Variants in ACYP2 observed in about 807,000 individuals in gnomAD.
The protein encoded by ACYP2 is acylphosphatase-2.
Under a neutral mutation model 11.2 loss-of-function variants are expected in ACYP2, and 12 were observed. That is an observed-to-expected ratio of 1.08 (90% confidence interval 0.69 to 1.74). The LOEUF is 1.74. Among genes scored for constraint, ACYP2 ranks in the 40% most tolerant of loss-of-function variants. ACYP2 has a pLI of 0.00. For synonymous variants in ACYP2, 43 were observed against 32.2 expected, an observed-to-expected ratio of 1.33 and a Z score of -1.13; for missense variants, 134 against 101.9, an observed-to-expected ratio of 1.31 and a Z score of -1.35.
At chr2:54,235,868 T>C (rs1686455874) in intron 6 of ACYP2, among the ~76,000 whole-genome samples, 1 of 152,202 alleles carries the variant, frequency 6.6e-6, no homozygotes, top group South Asian at 2.1e-4. Flanking sequence ...AATAAAACTC[T>C]ATAAGCTCTG....
intron 2 of ACYP2, among the ~76,000 whole-genome samples, chr2:54,048,719 A>C (rs528876310): frequency 1.5e-4 from 23 of 152,338 alleles, no homozygotes; most frequent in African/African-American, 4.6e-4. Context: ...CATATATGGC[A>C]TTTTTAAAGA....
chr2:54,190,595 C>G (rs750283060), intron 6 of ACYP2, among the ~76,000 whole-genome samples: 4 of 152,098 alleles, frequency 2.6e-5, no homozygotes, highest in Non-Finnish European at 4.4e-5. Flanking sequence ...TCTTCTGCCT[C>G]TCTTACTGAC....
chr2:54,227,629 A>C (rs698753), intron 6 of ACYP2, among the ~76,000 whole-genome samples: 38,997 of 151,940 alleles, frequency 0.26, 5,192 homozygotes, highest in South Asian at 0.37. Flanking sequence ...TTTCAAAAAA[A>C]AAAAAAATAT....
intron 4 of ACYP2, among the ~76,000 whole-genome samples, chr2:54,111,371 G>T (rs1054394004): frequency 2.0e-5 from 3 of 152,106 alleles, no homozygotes; most frequent in Non-Finnish European, 4.4e-5. Flanking sequence ...GGGCGGGGGG[G>T]ACCAACCATG....
At chr2:54,130,797 AC>A (rs1176517636) in intron 4 of ACYP2, among the ~76,000 whole-genome samples, 1 of 152,248 alleles carries the variant, frequency 6.6e-6, no homozygotes, top group Non-Finnish European at 1.5e-5. Context: ...CTGATCTCAA[AC>A]CTCGGGCCTT....
At chr2:54,237,495 T>TC (rs1007905049) in intron 6 of ACYP2, among the ~76,000 whole-genome samples, 8 of 152,208 alleles carry the variant, frequency 5.3e-5, no homozygotes, top group East Asian at 1.9e-4. Flanking sequence ...ATGTTTTTTT[T>TC]CTCTACTTCA....
At chr2:53,984,664 A>G (rs1671938149) in intron 2 of ACYP2, among the ~76,000 whole-genome samples, 1 of 150,708 alleles carries the variant, frequency 6.6e-6, no homozygotes, top group South Asian at 2.1e-4. Flanking sequence ...TATATGTAGT[A>G]TGTATATAAA....
intron 6 of ACYP2, among the ~76,000 whole-genome samples, chr2:54,275,272 A>G (rs907587615): frequency 6.6e-6 from 1 of 152,220 alleles, no homozygotes; most frequent in Non-Finnish European, 1.5e-5. Context: ...CCAGACTAAT[A>G]TGAACCTAAA....
intron 2 of ACYP2, among the ~76,000 whole-genome samples, chr2:54,037,177 A>C (rs1003326642): frequency 6.6e-6 from 1 of 152,052 alleles, no homozygotes; most frequent in Non-Finnish European, 1.5e-5. Flanking sequence ...CAGTGGTGCA[A>C]TCTTGGCTCA....
At chr2:54,212,653 G>A (rs1356809765) in intron 6 of ACYP2, among the ~76,000 whole-genome samples, 1 of 152,196 alleles carries the variant, frequency 6.6e-6, no homozygotes, top group East Asian at 1.9e-4. Context: ...TGGTACAGAG[G>A]AGCTAATATG....
intron 6 of ACYP2, among the ~76,000 whole-genome samples, chr2:54,217,066 C>T (rs1451647329): frequency 6.6e-6 from 1 of 152,132 alleles, no homozygotes; most frequent in Admixed American, 6.6e-5. Context: ...CCCGTAGAAA[C>T]AGTAATTCCA....
At chr2:54,137,588 C>T (rs1305882518) in intron 5 of ACYP2, among the ~76,000 whole-genome samples, 1 of 152,168 alleles carries the variant, frequency 6.6e-6, no homozygotes, top group African/African-American at 2.4e-5. Flanking sequence ...CAGCTCCATT[C>T]ATGTTCCTTC....
At chr2:54,192,372 A>C (rs1012915408) in intron 6 of ACYP2, among the ~76,000 whole-genome samples, 2 of 152,158 alleles carry the variant, frequency 1.3e-5, no homozygotes, top group South Asian at 4.1e-4. Context: ...CCTATTACAC[A>C]GTACTTATTT....
At chr2:54,012,876 AG>A (rs1673456365) in intron 2 of ACYP2, among the ~76,000 whole-genome samples, 1 of 152,080 alleles carries the variant, frequency 6.6e-6, no homozygotes, top group Non-Finnish European at 1.5e-5. Flanking sequence ...TGGTGTTCAC[AG>A]TAGCCTACAA....
Position 54,091,384 on chromosome 2 carries a change from T to C in ACYP2, c.277+34024T>C, listed in dbSNP as rs1463135952. 3.9e-5 allele frequency among the ~76,000 whole-genome samples: 6 copies of C among 152,296 alleles called. No individual in the cohort carries two copies. In the East Asian group the frequency reaches 9.6e-4, roughly 24 times the overall value. On this transcript the variant is annotated intron_variant, in intron 4 of 6. Coordinates refer to ENST00000607452, the MANE Select transcript of ACYP2 (RefSeq NM_001320586.2). ...TTGCAGCATAAGCATTTTATATCCA[T>C]GAAGGTAAATAACAAAAGGGCTATT... is the stretch of plus-strand genomic sequence containing the variant.
intron 6 of ACYP2, among the ~76,000 whole-genome samples, chr2:54,292,993 C>T (rs1264566674): frequency 1.3e-5 from 2 of 152,198 alleles, no homozygotes; most frequent in African/African-American, 4.8e-5. Flanking sequence ...TGCTACTGCA[C>T]CCTGACTATA....
At chr2:54,055,024 A>G (rs1239784100) in intron 3 of ACYP2, among the ~76,000 whole-genome samples, 2 of 152,086 alleles carry the variant, frequency 1.3e-5, no homozygotes, top group Non-Finnish European at 2.9e-5. Context: ...CTATGCAACA[A>G]CTGGTTTTTC....
intron 6 of ACYP2, among the ~76,000 whole-genome samples, chr2:54,215,469 T>C (rs180903119): frequency 6.6e-6 from 1 of 152,306 alleles, no homozygotes; most frequent in Admixed American, 6.5e-5. Flanking sequence ...TCAAAAGAAC[T>C]TAAAAATACA....
intron 6 of ACYP2, among the ~76,000 whole-genome samples, chr2:54,216,931 C>T (rs1479576893): frequency 6.6e-6 from 1 of 152,156 alleles, no homozygotes; most frequent in Non-Finnish European, 1.5e-5. Flanking sequence ...TAAGTGGAAG[C>T]CCTTTCTCAC....
Sources: gnomAD v4.1 joint callset for allele counts (sites outside exome capture counted in the v4.1 genomes callset) on GRCh38, gnomAD v4.1.1 for gene constraint, MANE v1.5 for transcripts, NCBI Gene and HGNC (gene_info 2026-07-23, HGNC 2026-07-21) for gene names.